ZNF469: variants seen among roughly 807,000 people sequenced by gnomAD.
ZNF469 encodes zinc finger protein 469.
In ZNF469, 1 loss-of-function variant was observed where a neutral mutation model predicts 1.0. The ratio of observed to expected loss-of-function variants is 1.00; its 90% CI spans 0.35 to 4.73. The LOEUF (loss-of-function observed/expected upper bound fraction) is 4.73, where lower values mean the gene tolerates loss of function less well. ZNF469 is among the 30% of genes most tolerant of loss of function. The pLI, the probability that ZNF469 is intolerant of heterozygous loss-of-function variation, is 0.16. For missense variants in ZNF469, 6,100 were observed against 5,356.3 expected (o/e 1.14, Z -4.33); for synonymous variants, 2,703 against 2,363.4 (o/e 1.14, Z -4.17).
the ZNF469 span, among the ~76,000 whole-genome samples, chr16:88,334,999 C>T: frequency 1.2e-4 from 18 of 152,268 alleles, no homozygotes; most frequent in East Asian, 1.9e-4. Context: ...AAGATGCCAA[C>T]GGGAGGACAC....
intron 1 of ZNF469, among the ~76,000 whole-genome samples, chr16:88,409,866 C>G (rs74032844): frequency 0.18 from 158 of 862 alleles, 5 homozygotes; most frequent in African/African-American, 0.21. Flanking sequence ...CCATCTTGGC[C>G]GGGGGGGGGG....
At chr16:88,391,640 C>T (rs960480625) in intron 1 of ZNF469, among the ~76,000 whole-genome samples, 7 of 152,162 alleles carry the variant, frequency 4.6e-5, no homozygotes, top group South Asian at 2.1e-4. Flanking sequence ...CAGGTGGGGC[C>T]GGGGGACAGG....
upstream of ZNF469, among the ~76,000 whole-genome samples, chr16:88,382,136 C>G (rs550708601): frequency 6.6e-6 from 1 of 152,250 alleles, no homozygotes; most frequent in Non-Finnish European, 1.5e-5. Context: ...CGATCCGTCC[C>G]CAGATGCTGC....
chr16:88,275,247 G>A, the ZNF469 span, among the ~76,000 whole-genome samples: 3 of 152,190 alleles, frequency 2.0e-5, no homozygotes, highest in South Asian at 2.1e-4. Context: ...AGGGGCCGGC[G>A]AGCACCTGGG....
chr16:88,263,101 C>T, the ZNF469 span, among the ~76,000 whole-genome samples: 2 of 152,192 alleles, frequency 1.3e-5, no homozygotes, highest in African/African-American at 4.8e-5. Context: ...CTAGGAGTCT[C>T]CAGGGATTCG....
At chr16:88,306,246 C>T in the ZNF469 span, among the ~76,000 whole-genome samples, 1 of 152,228 alleles carries the variant, frequency 6.6e-6, no homozygotes, top group Non-Finnish European at 1.5e-5. Flanking sequence ...CTCCAGGCAC[C>T]TCTTGCTCTT....
intron 1 of ZNF469, among the ~76,000 whole-genome samples, chr16:88,405,356 A>C (rs986380943): frequency 6.6e-6 from 1 of 152,158 alleles, no homozygotes; most frequent in African/African-American, 2.4e-5. Flanking sequence ...GAGAATATCC[A>C]AGCTTCTGTT....
chr16:88,120,161 G>A, the ZNF469 span, among the ~76,000 whole-genome samples: 4 of 152,154 alleles, frequency 2.6e-5, no homozygotes, highest in African/African-American at 4.8e-5. Context: ...CCAGCTTCCC[G>A]GCTTCCAGGG....
chr16:88,344,034 C>G, the ZNF469 span, among the ~76,000 whole-genome samples: 1 of 152,098 alleles, frequency 6.6e-6, no homozygotes, highest in Non-Finnish European at 1.5e-5. Context: ...CCTGGGGTCT[C>G]TGTCCCAAAA....
At chr16:88,260,654 G>A in the ZNF469 span, among the ~76,000 whole-genome samples, 2 of 152,164 alleles carry the variant, frequency 1.3e-5, no homozygotes, top group Non-Finnish European at 2.9e-5. This position sits in a 1 kb window ranked among gnomAD's most constrained non-coding sequence, Gnocchi z 4.1. Flanking sequence ...CTAGGATATA[G>A]AGCTAAATGC....
At chr16:88,238,957 A>C in the ZNF469 span, among the ~76,000 whole-genome samples, 1 of 152,208 alleles carries the variant, frequency 6.6e-6, no homozygotes, top group Non-Finnish European at 1.5e-5. Context: ...TTCAGGAGAT[A>C]CAGTCCAGCC....
At chr16:88,275,955 A>T in the ZNF469 span, among the ~76,000 whole-genome samples, 1 of 152,188 alleles carries the variant, frequency 6.6e-6, no homozygotes, top group Non-Finnish European at 1.5e-5. Flanking sequence ...GAACAGGCCC[A>T]TAAAGTGCAG....
the ZNF469 span, among the ~76,000 whole-genome samples, chr16:88,205,257 C>T: frequency 1.8e-4 from 27 of 152,254 alleles, no homozygotes; most frequent in Non-Finnish European, 1.8e-4. The surrounding 1 kb of genome is among the most constrained non-coding windows in gnomAD (Gnocchi z 4.2). Context: ...CCCGGCAGAA[C>T]GTTGGCTTCG....
the ZNF469 span, among the ~76,000 whole-genome samples, chr16:88,342,449 C>T: frequency 1.3e-5 from 2 of 152,184 alleles, no homozygotes; most frequent in Non-Finnish European, 2.9e-5. Context: ...GCTCCCCACT[C>T]CAATGGCCAC....
At chr16:88,224,092 C>A in the ZNF469 span, among the ~76,000 whole-genome samples, 1 of 152,210 alleles carries the variant, frequency 6.6e-6, no homozygotes, top group East Asian at 1.9e-4. Context: ...CAAAACACGC[C>A]TGTTGTTTTC....
chr16:88,181,648 G>T, the ZNF469 span, among the ~76,000 whole-genome samples: 1 of 152,204 alleles, frequency 6.6e-6, no homozygotes, highest in Non-Finnish European at 1.5e-5. Flanking sequence ...GTAGGTGCTG[G>T]CAAGGCAGTG....
chr16:88,434,574 T>C lies in ZNF469; in HGVS notation c.7104T>C (p.Gly2368=). The change falls in exon 3 of 3, where the codon GGT becomes GGC. Residue 2368 remains glycine, a synonymous_variant. Transcript: ENST00000565624. ...CGGACTCCCCCGCCTGCCTGGAAGG[T>C]GAGATGGGGACCAGCAGCAAGGAGC... ...AGPDSPACLE[G]EMGTSSKEPE... 6.5e-7 allele frequency: 1 copy of C among 1,549,848 alleles called. No homozygotes were observed. Among genetic ancestry groups the C allele is most frequent in the East Asian group, 2.4e-5 (1 of 40,876 alleles).
chr16:88,274,065 A>G, the ZNF469 span, among the ~76,000 whole-genome samples: 5 of 152,154 alleles, frequency 3.3e-5, no homozygotes, highest in South Asian at 4.1e-4. Context: ...GGCCTCCCAA[A>G]GTGCTGGGAT....
chr16:88,388,908 A>G (rs1202533394), intron 1 of ZNF469, among the ~76,000 whole-genome samples: 1 of 152,126 alleles, frequency 6.6e-6, no homozygotes, highest in African/African-American at 2.4e-5. Flanking sequence ...GCCAGTCTCC[A>G]TACTGGAGGA....
Sources: allele counts gnomAD v4.1 joint callset (sites outside exome capture counted in the v4.1 genomes callset), GRCh38; gene constraint gnomAD v4.1.1; non-coding constraint Gnocchi (gnomAD v3.1); transcripts MANE v1.5; gene names NCBI Gene and HGNC (gene_info 2026-07-23, HGNC 2026-07-21).